ULK4: variants seen among roughly 807,000 people sequenced by gnomAD.
ULK4 encodes inactive serine/threonine-protein kinase ULK4.
ULK4 carries 133 observed loss-of-function variants against 160.6 expected under a neutral mutation model. That is an observed-to-expected ratio of 0.83 (90% CI 0.72 to 0.96). The LOEUF (loss-of-function observed/expected upper bound fraction) is 0.96, where lower values mean the gene tolerates loss of function less well. Ranked by LOEUF, ULK4 falls within the 40% of genes least tolerant of loss-of-function variation. The pLI, the probability that ULK4 is intolerant of heterozygous loss-of-function variation, is 0.00. For missense variants in ULK4, 1,580 were observed against 1,499.5 expected (o/e 1.05, Z -0.89); for synonymous variants, 534 against 539.8 (o/e 0.99, Z 0.15).
intron 25 of ULK4, among the ~76,000 whole-genome samples, chr3:41,713,286 T>C (rs2037164457): frequency 6.6e-6 from 1 of 152,230 alleles, no homozygotes; most frequent in African/African-American, 2.4e-5. Flanking sequence ...ATTTTTGCTA[T>C]CTTCTGGAAA....
chr3:41,862,148 C>G (rs1480986625), intron 17 of ULK4, among the ~76,000 whole-genome samples: 1 of 151,992 alleles, frequency 6.6e-6, no homozygotes, highest in East Asian at 1.9e-4. Context: ...CACTAATTCT[C>G]TCTTCTGCTT....
chr3:41,545,218 G>A (rs1034042383), intron 32 of ULK4, among the ~76,000 whole-genome samples: 13 of 152,058 alleles, frequency 8.5e-5, no homozygotes, highest in South Asian at 2.1e-4. Flanking sequence ...AACCACATTC[G>A]CGTTCTCTCT....
intron 35 of ULK4, among the ~76,000 whole-genome samples, chr3:41,391,212 G>C (rs2081951215): frequency 6.6e-6 from 1 of 152,104 alleles, no homozygotes; most frequent in Non-Finnish European, 1.5e-5. Context: ...TGCTTATCCA[G>C]TGGAACTACA....
At position 41,600,148 on chromosome 3, in the gene ULK4, T is replaced by A. The variant is rs551805875; in HGVS notation, c.3120+15521A>T. Among the ~76,000 whole-genome samples, 22 of 152,286 alleles carry A rather than the reference T, an allele frequency of 1.4e-4. 1 individual carries two copies. The East Asian group carries it at 4.3e-3, about 29-fold the overall frequency. The stretch of plus-strand genomic sequence containing the variant: ...CTCCTTAGCACAGACTAAAAGCTTG[T>A]CACAGTCTGGACCCAGTCTACATTC... On this transcript the variant is annotated intron_variant, in intron 31 of 36. Coordinates refer to ENST00000301831, the MANE Select transcript of ULK4 (RefSeq NM_017886.4).
chr3:41,713,234 C>A (rs913372501), intron 25 of ULK4, among the ~76,000 whole-genome samples: 1 of 152,156 alleles, frequency 6.6e-6, no homozygotes, highest in African/African-American at 2.4e-5. Flanking sequence ...GATGAGTAGA[C>A]TAGACCTCAT....
chr3:41,461,314 A>G (rs2125877138), intron 33 of ULK4, among the ~76,000 whole-genome samples: 1 of 152,314 alleles, frequency 6.6e-6, no homozygotes, highest in African/African-American at 2.4e-5. Context: ...CCCCAGTGTG[A>G]GAAGTATGTC....
At chr3:41,735,881 C>T (rs1211622980) in intron 22 of ULK4, among the ~76,000 whole-genome samples, 1 of 127,974 alleles carries the variant, frequency 7.8e-6, no homozygotes, top group Non-Finnish European at 1.6e-5. Flanking sequence ...GTGATGTTCC[C>T]CTTCCTGTGT....
intron 25 of ULK4, among the ~76,000 whole-genome samples, chr3:41,713,064 C>G (rs1433564141): frequency 6.6e-6 from 1 of 151,588 alleles, no homozygotes; most frequent in African/African-American, 2.4e-5. Flanking sequence ...ACTATGCATC[C>G]CCACCACTAC....
chr3:41,870,478 T>C (rs1345953805), intron 17 of ULK4, among the ~76,000 whole-genome samples: 3 of 152,200 alleles, frequency 2.0e-5, no homozygotes, highest in African/African-American at 7.2e-5. Context: ...TTCTATTATG[T>C]TCTGACTGTG....
chr3:41,434,395 T>G (rs576972134), intron 34 of ULK4, among the ~76,000 whole-genome samples: 2 of 152,352 alleles, frequency 1.3e-5, no homozygotes, highest in East Asian at 3.9e-4. Flanking sequence ...GCATATATAC[T>G]ATGATTTCAT....
intron 23 of ULK4, 32 bp from the exon 24 acceptor site, chr3:41,715,600 G>GT: frequency 6.2e-7 from 1 of 1,613,124 alleles, no homozygotes; most frequent in Non-Finnish European, 8.5e-7. Context: ...ATATGTGGAG[G>GT]TTAAAAACCA....
chr3:41,262,296 A>G (rs1380266623), intron 35 of ULK4, among the ~76,000 whole-genome samples: 1 of 152,228 alleles, frequency 6.6e-6, no homozygotes, highest in East Asian at 1.9e-4. Flanking sequence ...CAGGTTCCCA[A>G]GGAAATAGCT....
At chr3:41,401,916 C>A (rs894671202) in intron 34 of ULK4, among the ~76,000 whole-genome samples, 2 of 152,148 alleles carry the variant, frequency 1.3e-5, no homozygotes, top group East Asian at 3.9e-4. Flanking sequence ...AACAGGGATG[C>A]TGTTGAGGAA....
At chr3:41,901,573 C>T (rs1363009379) in intron 12 of ULK4, among the ~76,000 whole-genome samples, 3 of 149,472 alleles carry the variant, frequency 2.0e-5, no homozygotes, top group Admixed American at 6.8e-5. Context: ...CTCTGCCTCC[C>T]GAGTTGAAGC....
chr3:41,701,790 T>C (rs990585205), intron 27 of ULK4, among the ~76,000 whole-genome samples: 3 of 152,024 alleles, frequency 2.0e-5, no homozygotes, highest in Admixed American at 2.0e-4. Context: ...GGGGACTAAG[T>C]GGAGTTAAGC....
chr3:41,927,302 G>C (rs967101657), intron 5 of ULK4, among the ~76,000 whole-genome samples: 1 of 152,170 alleles, frequency 6.6e-6, no homozygotes, highest in African/African-American at 2.4e-5. Flanking sequence ...AATGCTGAGA[G>C]ATCTTCTCAC....
rs539165559 is a variant in ULK4, at chr3:41,429,112, A to G, written c.3492+26385T>C. Among the ~76,000 whole-genome samples the G allele has an allele frequency of 1.8e-3, 272 of 152,336 alleles. 1 individual carries two copies. Among genetic ancestry groups the G allele is most frequent in the Non-Finnish European group, 3.3e-3 (224 of 68,028 alleles). On this transcript the variant is annotated intron_variant, in intron 34 of 36. Transcript: ENST00000301831. ...AAAAACATAAACAGACACTTCTCAA[A>G]AGACGACATATATGCAGCCAACAAA...
At chr3:41,446,910 AAAT>A (rs1299577028) in intron 34 of ULK4, among the ~76,000 whole-genome samples, 1 of 151,476 alleles carries the variant, frequency 6.6e-6, no homozygotes, top group African/African-American at 2.4e-5. Context: ...AATAAAATAA[AAAT>A]AAAAACGTAC....
At chr3:41,323,167 C>T (rs2080275438) in intron 35 of ULK4, among the ~76,000 whole-genome samples, 2 of 151,776 alleles carry the variant, frequency 1.3e-5, no homozygotes, top group Admixed American at 1.3e-4. Context: ...GAACTCCCGA[C>T]CTCAGGTGAT....
Sources: allele counts gnomAD v4.1 joint callset (sites outside exome capture counted in the v4.1 genomes callset), GRCh38; gene constraint gnomAD v4.1.1; transcripts MANE v1.5; gene names NCBI Gene and HGNC (gene_info 2026-07-23, HGNC 2026-07-21).